Variants in ARNT2 observed in about 807,000 individuals in gnomAD.
ARNT2 encodes the protein ARNT protein 2.
Under a neutral mutation model 91.7 loss-of-function variants are expected in ARNT2, and 36 were observed. The ratio of observed to expected loss-of-function variants is 0.39; its 90% CI spans 0.30 to 0.52. The LOEUF is 0.52. ARNT2 is among the 20% of genes least tolerant of loss of function. ARNT2 has a pLI of 0.72. For missense variants in ARNT2, 775 were observed against 939.3 expected (o/e 0.83, Z 2.29); for synonymous variants, 365 against 347.1 (o/e 1.05, Z -0.57).
At chr15:80,467,295 G>C (rs1896670001) in intron 3 of ARNT2, among the ~76,000 whole-genome samples, 1 of 152,212 alleles carries the variant, frequency 6.6e-6, no homozygotes. Context: ...AGAGAACCAG[G>C]AAACAGCTGC....
chr15:80,450,167 C>T (rs936550689), intron 1 of ARNT2, among the ~76,000 whole-genome samples: 1 of 152,210 alleles, frequency 6.6e-6, no homozygotes, highest in African/African-American at 2.4e-5. Flanking sequence ...GAAATAATGT[C>T]TTGGCCACAA....
intron 4 of ARNT2, among the ~76,000 whole-genome samples, chr15:80,473,590 AG>A (rs534655312): frequency 1.2e-4 from 18 of 152,212 alleles, no homozygotes; most frequent in Non-Finnish European, 2.5e-4. Flanking sequence ...TTAAGCATCT[AG>A]GTGACGCAGA....
chr15:80,470,920 ACTG>A (rs1398647712), intron 4 of ARNT2, among the ~76,000 whole-genome samples: 1 of 152,244 alleles, frequency 6.6e-6, no homozygotes, highest in South Asian at 2.1e-4. Flanking sequence ...ACACTTATAC[ACTG>A]CTGGTGGGAG....
chr15:80,591,325 G>A lies in ARNT2; in HGVS notation c.1919-243G>A, dbSNP rs1227767839. ...CCTAGTCACCTGGCAGGTGACCTCA[G>A]GAAGAGCCATCCTCTCTGGCCAAGT... On this transcript the variant is annotated intron_variant, in intron 17 of 18. Coordinates refer to ENST00000303329, the MANE Select transcript of ARNT2 (RefSeq NM_014862.4). The surrounding 1 kb of genome is among the most constrained non-coding windows in gnomAD (Gnocchi z 5.1). Among the ~76,000 whole-genome samples the A allele has an allele frequency of 6.6e-6, 1 of 152,196 alleles. No individual in the cohort carries two copies. The highest frequency in any genetic ancestry group is 2.4e-5 in the African/African-American group (1 of 41,450).
At chr15:80,509,180 GC>G (rs1374009093) in intron 6 of ARNT2, among the ~76,000 whole-genome samples, 1 of 152,168 alleles carries the variant, frequency 6.6e-6, no homozygotes, top group Admixed American at 6.5e-5. Flanking sequence ...GGTGGCTCAT[GC>G]CTGTAATCCC....
intron 4 of ARNT2, among the ~76,000 whole-genome samples, chr15:80,471,350 G>A (rs1896728509): frequency 1.3e-5 from 2 of 152,200 alleles, no homozygotes; most frequent in African/African-American, 4.8e-5. Context: ...ACACAAAGAG[G>A]GGAACAACAG....
chr15:80,554,858 C>A (rs1379725126), intron 10 of ARNT2: 3 of 512,318 alleles, frequency 5.9e-6, no homozygotes, highest in African/African-American at 3.8e-5. Context: ...ATTGAGCATG[C>A]CAGAAGAACT....
chr15:80,474,975 A>G, intron 4 of ARNT2, 35 bp from the exon 5 acceptor site: 1 of 1,602,984 alleles, frequency 6.2e-7, no homozygotes, highest in Non-Finnish European at 8.5e-7. Flanking sequence ...TGGGTCTGTC[A>G]GTGTATTGTG....
chr15:80,515,741 A>G (rs1897423847), intron 8 of ARNT2, among the ~76,000 whole-genome samples: 1 of 151,992 alleles, frequency 6.6e-6, no homozygotes, highest in South Asian at 2.1e-4. Context: ...AAACCAAAAA[A>G]AAAAAAAAAT....
chr15:80,569,230 ACAGCATCTGCCCGGACTC>A (rs1417214592), intron 12 of ARNT2, among the ~76,000 whole-genome samples: 8 of 152,268 alleles, frequency 5.3e-5, no homozygotes, highest in Non-Finnish European at 1.0e-4. Context: ...GGGAAAATTG[ACAGCATCTGCCCGGACTC>A]CTGCACCTCG....
chr15:80,409,650 C>A (rs189775012), intron 1 of ARNT2, among the ~76,000 whole-genome samples: 35 of 152,196 alleles, frequency 2.3e-4, no homozygotes, highest in Admixed American at 2.0e-3. Flanking sequence ...GCTAGCAAGA[C>A]AAATAGTCAC....
intron 8 of ARNT2, among the ~76,000 whole-genome samples, chr15:80,514,755 G>A (rs1371620683): frequency 9.9e-5 from 15 of 152,076 alleles, no homozygotes; most frequent in East Asian, 1.9e-4. Flanking sequence ...GCGTGGTGGC[G>A]GGCGCCTGTC....
chr15:80,461,519 G>A (rs1419409085), intron 3 of ARNT2, among the ~76,000 whole-genome samples: 2 of 152,222 alleles, frequency 1.3e-5, no homozygotes, highest in Admixed American at 1.3e-4. Flanking sequence ...GTAGGAAGTT[G>A]TGGTCAAATA....
chr15:80,540,489 A>AT (rs1897888320), intron 8 of ARNT2, among the ~76,000 whole-genome samples: 3 of 152,006 alleles, frequency 2.0e-5, no homozygotes, highest in African/African-American at 7.2e-5. Context: ...TGCTCATTTT[A>AT]TTTTTTTGTA....
intron 8 of ARNT2, among the ~76,000 whole-genome samples, chr15:80,540,019 C>T (rs1474097721): frequency 2.0e-5 from 3 of 152,002 alleles, no homozygotes; most frequent in African/African-American, 7.2e-5. Context: ...CCACATGATC[C>T]AGCAATCCCA....
chr15:80,439,052 A>G (rs2141576133), intron 1 of ARNT2, among the ~76,000 whole-genome samples: 1 of 152,342 alleles, frequency 6.6e-6, no homozygotes, highest in East Asian at 1.9e-4. Context: ...TTTGCATATA[A>G]AATTAATAGC....
At chr15:80,585,278 GC>G (rs947637547) in intron 17 of ARNT2, among the ~76,000 whole-genome samples, 33 of 152,270 alleles carry the variant, frequency 2.2e-4, no homozygotes, top group African/African-American at 7.7e-4. Flanking sequence ...CATTACTTAA[GC>G]CCTGAAAAAT....
intron 1 of ARNT2, among the ~76,000 whole-genome samples, chr15:80,429,755 T>C (rs1009045406): frequency 3.3e-5 from 5 of 152,150 alleles, no homozygotes; most frequent in African/African-American, 2.4e-5. Context: ...AGTGTCATAA[T>C]TGAATCAAAT....
At chr15:80,459,515 G>T (rs1163483834) in intron 3 of ARNT2, among the ~76,000 whole-genome samples, 1 of 152,142 alleles carries the variant, frequency 6.6e-6, no homozygotes, top group Non-Finnish European at 1.5e-5. Context: ...ACATTCCATA[G>T]CATGCTAACC....
Sources: gnomAD v4.1 joint callset for allele counts (sites outside exome capture counted in the v4.1 genomes callset) on GRCh38, gnomAD v4.1.1 for gene constraint, Gnocchi (gnomAD v3.1) non-coding constraint, MANE v1.5 for transcripts, NCBI Gene and HGNC (gene_info 2026-07-23, HGNC 2026-07-21) for gene names.